The following GLDN variants were observed in gnomAD, a reference collection of about 807,000 sequenced individuals.
The protein encoded by GLDN is collomin.
In GLDN, 47 loss-of-function variants were observed where a neutral mutation model predicts 56.5. The ratio of observed to expected loss-of-function variants is 0.83; its 90% confidence interval spans 0.66 to 1.06. The LOEUF (loss-of-function observed/expected upper bound fraction) is 1.06, where lower values mean the gene tolerates loss of function less well. GLDN is among the 50% of genes least tolerant of loss of function. GLDN has a pLI of 0.00. For synonymous variants in GLDN, 332 were observed against 278.8 expected, an observed-to-expected ratio of 1.19 and a Z score of -1.90; for missense variants, 782 against 714.3, an observed-to-expected ratio of 1.09 and a Z score of -1.08.
intron 1 of GLDN, among the ~76,000 whole-genome samples, chr15:51,363,899 A>G (rs2037351477): frequency 6.6e-6 from 1 of 152,220 alleles, no homozygotes; most frequent in Non-Finnish European, 1.5e-5. Context: ...TTCTTTCAGC[A>G]CTTAAAAATG....
At position 51,341,861 on chromosome 15, in the gene GLDN, G is replaced by A; in HGVS notation, c.177G>A (p.Gln59=). Residue 59 remains glutamine, a synonymous_variant, in exon 1 of 10, where the codon CAG becomes CAA. Coordinates refer to ENST00000335449, the MANE Select transcript of GLDN (RefSeq NM_181789.4). ...RALEAQRGRE[Q]REDSALRSFL... ...TGGAGGCGCAGCGGGGCCGGGAGCA[G>A]CGCGAGGACAGTGCCCTGCGCTCCT... 1 of 1,543,836 alleles carries A rather than the reference G, an allele frequency of 6.5e-7. No homozygotes were observed. The highest frequency in any genetic ancestry group is 8.7e-7 in the Non-Finnish European group (1 of 1,153,570).
At position 51,394,977 on chromosome 15, in the gene GLDN, G is replaced by A. The variant is rs1220518085; in HGVS notation, c.684G>A (p.Leu228=). The A allele has an allele frequency of 6.3e-7, 1 of 1,597,652 alleles. No homozygotes were observed. The highest frequency in any genetic ancestry group is 1.4e-5 in the African/African-American group (1 of 74,026). ...GAGATGTGTCCAACGACGTGCTCCT[G>A]GCAGGTAAGAGGGGTACGCTGTGGC... The part of the protein sequence containing the change: ...DKGDVSNDVL[L]AGAKGDQGPP... The change falls in exon 5 of 10, where the codon CTG becomes CTA. Residue 228 remains leucine, a synonymous_variant. Transcript: ENST00000335449.
intron 8 of GLDN, among the ~76,000 whole-genome samples, chr15:51,401,375 G>C (rs528113167): frequency 6.6e-6 from 1 of 152,196 alleles, no homozygotes; most frequent in Admixed American, 6.5e-5. Context: ...GAGCAGCCAG[G>C]CCAGTTCAAT....
chr15:51,365,559 G>C (rs557612100), intron 1 of GLDN, among the ~76,000 whole-genome samples: 1 of 152,216 alleles, frequency 6.6e-6, no homozygotes, highest in South Asian at 2.1e-4. Context: ...CCATTTTACA[G>C]ACAGGTCATC....
chr15:51,395,557 C>A (rs1240415981), intron 5 of GLDN, among the ~76,000 whole-genome samples: 1 of 152,108 alleles, frequency 6.6e-6, no homozygotes, highest in African/African-American at 2.4e-5. Context: ...TGGTGGCAGG[C>A]TGGACAGGAG....
intron 4 of GLDN, among the ~76,000 whole-genome samples, chr15:51,391,866 C>T (rs1301944073): frequency 6.6e-6 from 1 of 152,260 alleles, no homozygotes; most frequent in Non-Finnish European, 1.5e-5. Context: ...GCAGCCGCCA[C>T]CCAAGCTTAC....
downstream of GLDN, among the ~76,000 whole-genome samples, chr15:51,410,364 G>T (rs913382401): frequency 6.6e-6 from 1 of 152,186 alleles, no homozygotes; most frequent in Non-Finnish European, 1.5e-5. Flanking sequence ...TACAGAAATG[G>T]TCAGAGCTGC....
chr15:51,366,646 C>A (rs908953449), intron 1 of GLDN, among the ~76,000 whole-genome samples: 1 of 152,206 alleles, frequency 6.6e-6, no homozygotes, highest in African/African-American at 2.4e-5. Context: ...AGCGAGGTGG[C>A]TCACACCTGT....
intron 1 of GLDN, among the ~76,000 whole-genome samples, chr15:51,347,681 T>G (rs755242914): frequency 2.0e-5 from 3 of 152,246 alleles, no homozygotes; most frequent in Non-Finnish European, 2.9e-5. Context: ...TGGAAAAAAT[T>G]ACAAATACTC....
In GLDN at chr15:51,406,718, C is replaced by T. The variant is rs187689853; in HGVS notation, c.*1964C>T. On this transcript the variant is annotated 3_prime_UTR_variant, in exon 10 of 10. Coordinates refer to ENST00000335449, the MANE Select transcript of GLDN (RefSeq NM_181789.4). ...CCCTGCTCCCCTGAAAGTCCCCAGG[C>T]AGCTGTCAATGACTTGTTTGTTGTG... 3.5e-4 allele frequency: 53 copies of T among 152,328 alleles called. No homozygotes were observed. Among genetic ancestry groups the T allele is most frequent in the African/African-American group, 1.3e-3 (52 of 41,566 alleles). The allele number at this position is 152,328 out of a possible 1,614,324, so 9.4% of individuals were successfully genotyped here. A position where few individuals can be genotyped will look rare whatever the true frequency, so the allele number is the denominator to read the frequency against.
At chr15:51,358,635 C>A (rs570117659) in intron 1 of GLDN, among the ~76,000 whole-genome samples, 6 of 152,260 alleles carry the variant, frequency 3.9e-5, no homozygotes, top group African/African-American at 9.6e-5. Flanking sequence ...AGGGGATGCC[C>A]TAGGGCTAGT....
chr15:51,404,224 C>T (rs1319327742), intron 9 of GLDN, 53 bp from the exon 10 acceptor site: 6 of 1,383,224 alleles, frequency 4.3e-6, no homozygotes, highest in African/African-American at 1.4e-5. Context: ...AATAAACCAC[C>T]TGTCCACAGA....
chr15:51,372,314 C>A (rs1032268640), intron 1 of GLDN, among the ~76,000 whole-genome samples: 1 of 152,220 alleles, frequency 6.6e-6, no homozygotes, highest in Non-Finnish European at 1.5e-5. Flanking sequence ...TTGGAAGGGA[C>A]ACTCAAACCA....
At position 51,406,396 on chromosome 15, in the gene GLDN, T is replaced by C. The variant is rs985458361; in HGVS notation, c.*1642T>C. The C allele has an allele frequency of 3.3e-5, 5 of 152,244 alleles. No homozygotes were observed. The highest frequency in any genetic ancestry group is 1.2e-4 in the African/African-American group (5 of 41,470). 9.4% of individuals were successfully genotyped at this position (152,244 alleles called of 1,614,324 possible). On this transcript the variant is annotated 3_prime_UTR_variant, in exon 10 of 10. Transcript: ENST00000335449. ...GGAAGGGGAACCAGGGCAAATCTTA[T>C]GTAAAGATTTTTCAGCAACTTGTCC...
rs2038389511 is a variant in GLDN at position 51,406,639 on chromosome 15, T to C, written c.*1885T>C. 6.6e-6 allele frequency: 1 copy of C among 152,120 alleles called. No homozygotes were observed. Among genetic ancestry groups the C allele is most frequent in the Non-Finnish European group, 1.5e-5 (1 of 68,010 alleles). The allele number at this position is 152,120 out of a possible 1,614,324, so 9.4% of individuals were successfully genotyped here. A position where few individuals can be genotyped will look rare whatever the true frequency, so the allele number is the denominator to read the frequency against. ...CTAGAGAGATCCCATCTCTAAAAAATAAAATATAAGAAAATAAAACTTAGG... is the reference window on the plus strand; with the variant it reads ...CTAGAGAGATCCCATCTCTAAAAAACAAAATATAAGAAAATAAAACTTAGG... On this transcript the variant is annotated 3_prime_UTR_variant, in exon 10 of 10. Coordinates refer to ENST00000335449, the MANE Select transcript of GLDN (RefSeq NM_181789.4).
intron 5 of GLDN, among the ~76,000 whole-genome samples, chr15:51,396,741 C>G: frequency 6.6e-6 from 1 of 152,172 alleles, no homozygotes; most frequent in East Asian, 1.9e-4. Context: ...CCCATCCAAC[C>G]GTCTATCCAT....
chr15:51,349,842 C>T (rs1354370054), intron 1 of GLDN, among the ~76,000 whole-genome samples: 2 of 151,780 alleles, frequency 1.3e-5, no homozygotes, highest in Non-Finnish European at 2.9e-5. Flanking sequence ...TGAGTTCAAG[C>T]GATTCTCCTG....
chr15:51,371,943 C>G (rs2037525526), intron 1 of GLDN, among the ~76,000 whole-genome samples: 1 of 152,204 alleles, frequency 6.6e-6, no homozygotes, highest in African/African-American at 2.4e-5. Flanking sequence ...CCCTGGCCTC[C>G]CAAAGTGTTG....
chr15:51,347,530 C>T (rs2446425), intron 1 of GLDN, among the ~76,000 whole-genome samples: 7,305 of 152,262 alleles, frequency 0.048, 219 homozygotes, highest in Non-Finnish European at 0.064. Context: ...ATTGGACACC[C>T]CTAACCTAAC....
Sources: allele counts gnomAD v4.1 joint callset (sites outside exome capture counted in the v4.1 genomes callset), GRCh38; gene constraint gnomAD v4.1.1; transcripts MANE v1.5; gene names NCBI Gene and HGNC (gene_info 2026-07-23, HGNC 2026-07-21).